The following ASXL2 variants were observed in gnomAD, a reference collection of about 807,000 sequenced individuals.
The protein encoded by ASXL2 is ASXL transcriptional regulator 2.
Under a neutral mutation model 122.0 loss-of-function variants are expected in ASXL2, and 23 were observed. The observed-to-expected ratio is 0.19, with a 90% confidence interval of 0.14 to 0.27. The LOEUF is 0.27. ASXL2 is among the 10% of genes least tolerant of loss of function. ASXL2 has a pLI of 1.00. For synonymous variants in ASXL2, 650 were observed against 637.0 expected, an observed-to-expected ratio of 1.02 and a Z score of -0.31; for missense variants, 1,518 against 1,713.8, an observed-to-expected ratio of 0.89 and a Z score of 2.02.
chr2:25,761,672 CAAAAAAAAAA>C (rs1184631489), intron 8 of ASXL2, among the ~76,000 whole-genome samples: 1 of 56,878 alleles, frequency 1.8e-5, no homozygotes, highest in Non-Finnish European at 3.7e-5. Context: ...GACTCCGTCT[CAAAAAAAAAA>C]AAAAAAAAAA....
intron 1 of ASXL2, among the ~76,000 whole-genome samples, chr2:25,864,717 C>T (rs2089879613): frequency 6.6e-6 from 1 of 151,846 alleles, no homozygotes; most frequent in Non-Finnish European, 1.5e-5. Context: ...TAAGTTACAA[C>T]ATTTTACATT....
rs373107632 is a variant in ASXL2 at position 25,765,281 on chromosome 2, C to G, written c.775+2302G>C. Among the ~76,000 whole-genome samples, 208 of 152,138 alleles carry G rather than the reference C, an allele frequency of 1.4e-3. 6 individuals carry two copies. In the South Asian group the frequency reaches 0.028, roughly 21 times the overall value. On this transcript the variant is annotated intron_variant, in intron 8 of 12. Transcript: ENST00000435504. The stretch of plus-strand genomic sequence containing the variant: ...CGGGCAGATCACGAGGTCAGGAGAT[C>G]AAGACCATCCTGGCTAACACAGTGA...
At chr2:25,783,510 T>C (rs1574414626) in intron 5 of ASXL2, among the ~76,000 whole-genome samples, 1 of 71,136 alleles carries the variant, frequency 1.4e-5, no homozygotes, top group Non-Finnish European at 3.2e-5. Context: ...TCCACCATTT[T>C]TTTTATTATA....
chr2:25,794,101 G>A (rs2088877885), intron 5 of ASXL2, among the ~76,000 whole-genome samples: 2 of 152,278 alleles, frequency 1.3e-5, no homozygotes, highest in African/African-American at 4.8e-5. Context: ...ACATGTAAAT[G>A]TTAGAAGGTA....
Position 25,878,479 on chromosome 2 carries a change from C to A in ASXL2, c.-257G>T. On this transcript the variant is annotated 5_prime_UTR_variant, in exon 1 of 13. Transcript: ENST00000435504. ...GTTCTTACTGTACAGGCTGCCGCTA[C>A]GGTCATGTGACCGCTCCCGCGCGGC... 2.0e-6 allele frequency: 1 copy of A among 501,402 alleles called. No individual in the cohort carries two copies. Among genetic ancestry groups the A allele is most frequent in the South Asian group, 2.5e-5 (1 of 40,344 alleles). The allele number at this position is 501,402 out of a possible 1,614,324, so 31.1% of individuals were successfully genotyped here. A position where few individuals can be genotyped will look rare whatever the true frequency, so the allele number is the denominator to read the frequency against.
intron 1 of ASXL2, among the ~76,000 whole-genome samples, chr2:25,870,416 G>A (rs140315329): frequency 0.042 from 6,458 of 152,158 alleles, 209 homozygotes; most frequent in African/African-American, 0.08. Flanking sequence ...CCAGCTACTC[G>A]GGAGGACTGA....
At chr2:25,760,635 G>A (rs970631250) in intron 8 of ASXL2, among the ~76,000 whole-genome samples, 12 of 152,154 alleles carry the variant, frequency 7.9e-5, no homozygotes, top group African/African-American at 1.9e-4. Flanking sequence ...TTTGATGTGG[G>A]TACACCCTCT....
intron 3 of ASXL2, among the ~76,000 whole-genome samples, chr2:25,811,087 C>CAT (rs1445330438): frequency 6.7e-6 from 1 of 150,330 alleles, no homozygotes; most frequent in Non-Finnish European, 1.5e-5. Context: ...CACACACACA[C>CAT]ACACACACAC....
chr2:25,743,197 G>T lies in ASXL2; in HGVS notation c.3140C>A (p.Ser1047Tyr). Reference protein sequence around the residue: ...QLFSAKELRDSSIDTHQYHEG... With the variant: ...QLFSAKELRDYSIDTHQYHEG... ...GTGGTATTGGTGTGTGTCAATGCTG[G>T]AGTCCCTCAGCTCCTTAGCTGAAAA... is the stretch of plus-strand genomic sequence containing the variant. The change falls in exon 13 of 13, where the codon TCC becomes TAC. Residue 1047 changes from serine (S) to tyrosine (Y), a missense_variant. Transcript: ENST00000435504. 1 of 1,613,934 alleles carries T rather than the reference G, an allele frequency of 6.2e-7. No individual in the cohort carries two copies. The highest frequency in any genetic ancestry group is 1.1e-5 in the South Asian group (1 of 91,084).
At chr2:25,813,382 T>G (rs2089195043) in intron 3 of ASXL2, among the ~76,000 whole-genome samples, 1 of 152,198 alleles carries the variant, frequency 6.6e-6, no homozygotes, top group South Asian at 2.1e-4. Context: ...GATATGACAC[T>G]GCCATGGAGA....
At chr2:25,788,328 T>G (rs910648130) in intron 5 of ASXL2, among the ~76,000 whole-genome samples, 1 of 152,254 alleles carries the variant, frequency 6.6e-6, no homozygotes, top group Admixed American at 6.5e-5. Context: ...GTATATAGTA[T>G]TTTCATTGCA....
rs1399548423 is a variant in ASXL2 at position 25,742,570 on chromosome 2, A to C, written c.3767T>G (p.Phe1256Cys). The change falls in exon 13 of 13, where the codon TTT (phenylalanine) becomes TGT (cysteine). Residue 1256 changes from phenylalanine to cysteine, a missense_variant. Coordinates refer to ENST00000435504, the MANE Select transcript of ASXL2 (RefSeq NM_018263.6). ...ENYLFTRGQT[F>C]DEKTLARDLI... ...ATCTCTGGCTAGGGTCTTTTCATCAAATGTTTGGCCTCTAGTGAACAGGTA... is the reference window on the plus strand; with the variant it reads ...ATCTCTGGCTAGGGTCTTTTCATCACATGTTTGGCCTCTAGTGAACAGGTA... 3 of 1,613,812 alleles carry C rather than the reference A, an allele frequency of 1.9e-6. No individual in the cohort carries two copies. The highest frequency in any genetic ancestry group is 1.3e-5 in the African/African-American group (1 of 74,906).
At chr2:25,755,833 G>A (rs1574398656) in intron 10 of ASXL2, among the ~76,000 whole-genome samples, 185 bp downstream of exon 10, 1 of 152,252 alleles carries the variant, frequency 6.6e-6, no homozygotes, top group African/African-American at 2.4e-5. Flanking sequence ...GATTCCATGT[G>A]GTGTTAACCT....
At chr2:25,757,474 TAA>T (rs533398416) in intron 9 of ASXL2, among the ~76,000 whole-genome samples, 14 of 98,046 alleles carry the variant, frequency 1.4e-4, no homozygotes, top group Admixed American at 4.3e-4. Context: ...CCGTCTCTAC[TAA>T]AAAAAAAAAA....
intron 1 of ASXL2, among the ~76,000 whole-genome samples, chr2:25,865,909 T>A (rs2089899080): frequency 6.6e-6 from 1 of 151,902 alleles, no homozygotes; most frequent in South Asian, 2.1e-4. Flanking sequence ...ACCTGAGATG[T>A]GCTCTGTGGA....
intron 1 of ASXL2, chr2:25,857,090 C>CGGGGGG (rs768937739): frequency 6.8e-5 from 4 of 58,476 alleles, no homozygotes; most frequent in African/African-American, 3.1e-4. Flanking sequence ...TTGGGGGGGG[C>CGGGGGG]GGGGGGGGGG....
chr2:25,854,332 T>C (rs1345825181), intron 1 of ASXL2, among the ~76,000 whole-genome samples: 2 of 152,250 alleles, frequency 1.3e-5, no homozygotes, highest in Non-Finnish European at 2.9e-5. Flanking sequence ...GTGATTTAGA[T>C]ATATTAGCTT....
chr2:25,824,620 G>C (rs1274779523), intron 3 of ASXL2, among the ~76,000 whole-genome samples: 2 of 152,106 alleles, frequency 1.3e-5, no homozygotes, highest in African/African-American at 4.8e-5. Flanking sequence ...CAGAAACTCA[G>C]GTTTAGAGCT....
chr2:25,740,968 A>G lies in ASXL2; in HGVS notation c.*1061T>C, dbSNP rs191449417. 2.1e-5 allele frequency: 4 copies of G among 192,398 alleles called. No individual in the cohort carries two copies. The East Asian group carries it at 2.5e-4, about 12-fold the overall frequency. The allele number at this position is 192,398 out of a possible 1,614,324, so 11.9% of individuals were successfully genotyped here. A position where few individuals can be genotyped will look rare whatever the true frequency, so the allele number is the denominator to read the frequency against. On this transcript the variant is annotated 3_prime_UTR_variant, in exon 13 of 13. Coordinates refer to ENST00000435504, the MANE Select transcript of ASXL2 (RefSeq NM_018263.6). ...TTTCTACCTGCAACAGCAGCTGACT[A>G]TCTAGCACTAGGTTAACAGGTTGGG...
Sources: gnomAD v4.1 joint callset for allele counts (sites outside exome capture counted in the v4.1 genomes callset) on GRCh38, gnomAD v4.1.1 for gene constraint, MANE v1.5 for transcripts, NCBI Gene and HGNC (gene_info 2026-07-23, HGNC 2026-07-21) for gene names.